TRERF1: variants seen among roughly 807,000 people sequenced by gnomAD.
TRERF1 encodes transcriptional regulating factor 1.
Under a neutral mutation model 122.9 loss-of-function variants are expected in TRERF1, and 27 were observed. That is an observed-to-expected ratio of 0.22 (90% CI 0.16 to 0.30). TRERF1 has a LOEUF of 0.30. Ranked by LOEUF, TRERF1 falls within the 10% of genes least tolerant of loss-of-function variation. The pLI, the probability that TRERF1 is intolerant of heterozygous loss-of-function variation, is 1.00. For synonymous variants in TRERF1, 636 were observed against 641.7 expected (o/e 0.99, Z 0.13); for missense variants, 1,248 against 1,560.3 (o/e 0.80, Z 3.37).
At chr6:42,379,043 C>T (rs1775421268) in intron 2 of TRERF1, among the ~76,000 whole-genome samples, 1 of 152,068 alleles carries the variant, frequency 6.6e-6, no homozygotes, top group South Asian at 2.1e-4. Flanking sequence ...TCAATTGAGC[C>T]CAGCAGGTAG....
At position 42,432,842 on chromosome 6, in the gene TRERF1, C is replaced by CA. The variant is rs10557615; in HGVS notation, c.-454+18334dup. Among the ~76,000 whole-genome samples the CA allele has an allele frequency of 4.5e-3, 492 of 110,314 alleles. 4 individuals carry two copies. Among genetic ancestry groups the CA allele is most frequent in the African/African-American group, 0.01 (305 of 29,320 alleles). The allele number at this position is 110,314 out of a possible 152,430, so 72.4% of individuals were successfully genotyped here. On this transcript the variant is annotated intron_variant, in intron 2 of 17. Transcript: ENST00000372922. The stretch of plus-strand genomic sequence containing the variant: ...TGGGAGACAAAGTGAGACTCTGTCT[C>CA]AAAAAAAAAAAAAAAAAAAGTCACC...
intron 2 of TRERF1, among the ~76,000 whole-genome samples, chr6:42,424,814 C>T (rs1401186261): frequency 1.3e-5 from 2 of 152,210 alleles, no homozygotes; most frequent in Non-Finnish European, 2.9e-5. Context: ...AGCCTAACTC[C>T]GTACACTTTT....
intron 3 of TRERF1, among the ~76,000 whole-genome samples, chr6:42,322,610 A>C (rs190194229): frequency 3.3e-4 from 51 of 152,312 alleles, no homozygotes; most frequent in Admixed American, 6.5e-5. Flanking sequence ...AATAAAAATA[A>C]TTTAATAAAT....
At chr6:42,343,974 T>C (rs962256851) in intron 3 of TRERF1, among the ~76,000 whole-genome samples, 1 of 152,198 alleles carries the variant, frequency 6.6e-6, no homozygotes, top group African/African-American at 2.4e-5. Flanking sequence ...GCTTCAGCCA[T>C]ATCCTTCCTT....
chr6:42,413,566 T>A (rs260290), intron 2 of TRERF1, among the ~76,000 whole-genome samples: 151,307 of 152,092 alleles, frequency 0.99, 75,270 homozygotes, highest in East Asian at 1. Flanking sequence ...AGTAGCTGGG[T>A]CTATAGGTGC....
Position 42,228,602 on chromosome 6 carries a change from T to C in TRERF1, c.3346A>G (p.Arg1116Gly). ...AAAGCCGCCTTCTGAGCCTTTTGCC[T>C]CTGTTGTTCCTCCTGCTGCCTGTGA... The change falls in exon 18 of 18, where the codon AGG (arginine) becomes GGG (glycine). Residue 1116 changes from arginine (R) to glycine (G), a missense_variant. By Grantham distance (125) the Arg-to-Gly change is moderately radical (BLOSUM62 -2). Around this residue, in one of 5 missense-constraint regions of TRERF1, gnomAD observed 84 missense variants for 116.0 expected, o/e 0.72. Coordinates refer to ENST00000372922, the Ensembl canonical transcript of TRERF1. This position sits in a 1 kb window ranked among gnomAD's most constrained non-coding sequence, Gnocchi z 4.2. 6.2e-7 allele frequency: 1 copy of C among 1,614,166 alleles called. No homozygotes were observed. Among genetic ancestry groups the C allele is most frequent in the Non-Finnish European group, 8.5e-7 (1 of 1,180,024 alleles).
At chr6:42,442,065 C>G (rs1412844563) in intron 2 of TRERF1, among the ~76,000 whole-genome samples, 1 of 152,120 alleles carries the variant, frequency 6.6e-6, no homozygotes, top group Non-Finnish European at 1.5e-5. Flanking sequence ...CCCTGAAAAC[C>G]CCTCAGCTCG....
intron 2 of TRERF1, among the ~76,000 whole-genome samples, chr6:42,423,517 G>A (rs974913630): frequency 3.9e-5 from 6 of 152,002 alleles, no homozygotes; most frequent in Non-Finnish European, 8.8e-5. Context: ...GGCTGCAAAC[G>A]CAGCCTTTCA....
chr6:42,396,068 C>T (rs1283084684), intron 2 of TRERF1, among the ~76,000 whole-genome samples: 1 of 152,202 alleles, frequency 6.6e-6, no homozygotes, highest in African/African-American at 2.4e-5. Flanking sequence ...CTCCCCTTCA[C>T]ACCTGGAATG....
chr6:42,434,993 G>T (rs890861574), intron 2 of TRERF1, among the ~76,000 whole-genome samples: 2 of 152,046 alleles, frequency 1.3e-5, no homozygotes, highest in Non-Finnish European at 2.9e-5. Context: ...AGCTGGGCGT[G>T]GTGGTGGGTG....
At chr6:42,284,671 G>C (rs909718016) in intron 4 of TRERF1, among the ~76,000 whole-genome samples, 2 of 152,206 alleles carry the variant, frequency 1.3e-5, no homozygotes, top group African/African-American at 4.8e-5. Context: ...TTGTGGGAGT[G>C]GGTGCTCTGT....
chr6:42,241,793 AT>A (rs1371545529), intron 15 of TRERF1, among the ~76,000 whole-genome samples: 1 of 152,122 alleles, frequency 6.6e-6, no homozygotes, highest in Non-Finnish European at 1.5e-5. Flanking sequence ...CTTTAAGAAA[AT>A]GTGTGGCCAG....
At chr6:42,436,585 G>A (rs1785403054) in intron 2 of TRERF1, among the ~76,000 whole-genome samples, 2 of 151,598 alleles carry the variant, frequency 1.3e-5, no homozygotes, top group African/African-American at 4.8e-5. Context: ...GTTATTTAAA[G>A]TGAATGAAGG....
intron 4 of TRERF1, among the ~76,000 whole-genome samples, chr6:42,297,654 C>T (rs1461610091): frequency 1.3e-5 from 2 of 152,130 alleles, no homozygotes; most frequent in Non-Finnish European, 2.9e-5. Context: ...AGGTTTGTAG[C>T]CTGAATTATA....
At chr6:42,283,610 A>AT (rs1782679529) in intron 4 of TRERF1, among the ~76,000 whole-genome samples, 1 of 144,506 alleles carries the variant, frequency 6.9e-6, no homozygotes, top group Non-Finnish European at 1.5e-5. Context: ...TATGAAAAAA[A>AT]CTTTTTTTTT....
intron 3 of TRERF1, among the ~76,000 whole-genome samples, chr6:42,316,622 C>T (rs1466821907): frequency 1.3e-5 from 2 of 152,162 alleles, no homozygotes; most frequent in Non-Finnish European, 2.9e-5. Context: ...GTAGACCAAG[C>T]TAACCATGGG....
chr6:42,432,243 A>G (rs1784605036), intron 2 of TRERF1, among the ~76,000 whole-genome samples: 1 of 152,252 alleles, frequency 6.6e-6, no homozygotes, highest in African/African-American at 2.4e-5. Context: ...TCAAGAAATA[A>G]AAATACTTTT....
intron 2 of TRERF1, among the ~76,000 whole-genome samples, chr6:42,412,087 G>A (rs898955774): frequency 7.1e-4 from 98 of 138,784 alleles, no homozygotes; most frequent in Non-Finnish European, 1.5e-4. Context: ...CACAAACTCC[G>A]CCTCCCGGGT....
intron 2 of TRERF1, among the ~76,000 whole-genome samples, chr6:42,371,521 G>C (rs1011153305): frequency 7.9e-5 from 12 of 152,146 alleles, no homozygotes; most frequent in Non-Finnish European, 2.9e-5. Flanking sequence ...CAAGAGACCT[G>C]ATGCTCAACC....
Sources: gnomAD v4.1 joint callset for allele counts (sites outside exome capture counted in the v4.1 genomes callset) on GRCh38, gnomAD v4.1.1 for gene constraint, gnomAD v4.1.1 regional missense constraint, Gnocchi (gnomAD v3.1) non-coding constraint, MANE v1.5 for transcripts, NCBI Gene and HGNC (gene_info 2026-07-23, HGNC 2026-07-21) for gene names.